The following ZFHX3 variants were observed in gnomAD, a reference collection of about 807,000 sequenced individuals.
The protein encoded by ZFHX3 is zinc finger homeobox 3, also known as zinc finger homeobox protein 3.
Under a neutral mutation model 279.1 loss-of-function variants are expected in ZFHX3, and 42 were observed. The ratio of observed to expected loss-of-function variants is 0.15; its 90% CI spans 0.12 to 0.19. The LOEUF is 0.19. Among genes scored for constraint, ZFHX3 ranks in the 10% least tolerant of loss-of-function variants. The pLI is 1.00. For synonymous variants in ZFHX3, 2,293 were observed against 1,957.8 expected (o/e 1.17, Z -4.52); for missense variants, 4,981 against 4,754.0 (o/e 1.05, Z -1.40).
rs181826031 is a variant in ZFHX3, at chr16:73,498,826, G to A, written c.-1546-42568C>T. 9.8e-5 allele frequency among the ~76,000 whole-genome samples: 15 copies of A among 152,288 alleles called. No individual in the cohort carries two copies. The East Asian group carries it at 2.5e-3, about 25-fold the overall frequency. On this transcript the variant is annotated intron_variant, in intron 2 of 17. Transcript: ENST00000641206. ...TAACCTGGGGCAACTACTAAAAAGA[G>A]GACCTTATTGAGAGCAGTCAGCCTC...
At chr16:72,867,594 A>G (rs1399588369) in intron 4 of ZFHX3, among the ~76,000 whole-genome samples, 1 of 152,190 alleles carries the variant, frequency 6.6e-6, no homozygotes, top group African/African-American at 2.4e-5. Flanking sequence ...TATTGTTGAC[A>G]CCAGTTTAAA....
At chr16:73,258,474 C>T (rs1044753044) in intron 4 of ZFHX3, among the ~76,000 whole-genome samples, 1 of 151,884 alleles carries the variant, frequency 6.6e-6, no homozygotes, top group Non-Finnish European at 1.5e-5. Context: ...CTCAGCCTCC[C>T]GAGTAACTGG....
rs373442261 is a variant in ZFHX3 at position 73,715,467 on chromosome 16, G to A, written c.-1607-35227C>T. Among the ~76,000 whole-genome samples, 4 of 151,276 alleles carry A rather than the reference G, an allele frequency of 2.6e-5. No homozygotes were observed. The South Asian group carries it at 8.4e-4, about 32-fold the overall frequency. The stretch of plus-strand genomic sequence containing the variant: ...TTCATATAACTTCCTCACAACCTGT[G>A]AGAGAGCTTATGGAGGTGTCACCAT... On this transcript the variant is annotated intron_variant, in intron 1 of 17. Coordinates refer to the ZFHX3 transcript ENST00000641206.
chr16:73,485,438 A>AG (rs142874432), intron 2 of ZFHX3, among the ~76,000 whole-genome samples: 100,463 of 144,764 alleles, frequency 0.69, 36,035 homozygotes, highest in African/African-American at 0.85. Context: ...AAAAAAAAAA[A>AG]AAAAAAAAAC....
At chr16:73,836,881 G>T (rs796687018) in intron 1 of ZFHX3, among the ~76,000 whole-genome samples, 2 of 152,210 alleles carry the variant, frequency 1.3e-5, no homozygotes, top group East Asian at 3.9e-4. Flanking sequence ...AGAGTGGGTT[G>T]TTATAAAGTG....
intron 1 of ZFHX3, among the ~76,000 whole-genome samples, chr16:73,687,685 T>A (rs1028708200): frequency 3.3e-5 from 5 of 151,418 alleles, no homozygotes; most frequent in African/African-American, 1.2e-4. Flanking sequence ...CTGCTAAAAA[T>A]ACAAAAATTA....
chr16:73,079,867 A>G (rs1162943226), intron 8 of ZFHX3, among the ~76,000 whole-genome samples: 1 of 152,150 alleles, frequency 6.6e-6, no homozygotes, highest in Admixed American at 6.6e-5. Context: ...GAAGATGGTC[A>G]TTATTTTGAG....
At chr16:73,684,786 C>T (rs1454598600) in intron 1 of ZFHX3, among the ~76,000 whole-genome samples, 1 of 151,166 alleles carries the variant, frequency 6.6e-6, no homozygotes, top group Non-Finnish European at 1.5e-5. Context: ...CTACAACCTC[C>T]ACCTCCTGGG....
rs547939611 is a variant in ZFHX3, at chr16:73,711,196, A to G, written c.-1607-30956T>C. On this transcript the variant is annotated intron_variant, in intron 1 of 17. Transcript: ENST00000641206. ...TGCACTCTCTGTCTGATATTTATGT[A>G]TATGGGTCTGATATTTCAAGTCCCC... Among the ~76,000 whole-genome samples, 10 of 152,210 alleles carry G rather than the reference A, an allele frequency of 6.6e-5. 1 individual carries two copies. The highest frequency in any genetic ancestry group is 1.4e-4 in the African/African-American group (6 of 41,536).
chr16:73,098,041 T>G (rs545972973), intron 7 of ZFHX3, among the ~76,000 whole-genome samples: 1 of 151,714 alleles, frequency 6.6e-6, no homozygotes, highest in South Asian at 2.1e-4. Context: ...TCAACATGAG[T>G]GTACAAGTAT....
intron 2 of ZFHX3, among the ~76,000 whole-genome samples, chr16:73,624,890 A>G (rs2052401146): frequency 6.6e-6 from 1 of 152,176 alleles, no homozygotes; most frequent in African/African-American, 2.4e-5. Flanking sequence ...TCTTACACAT[A>G]CTTCCATGCA....
At chr16:73,608,277 T>C (rs1052961674) in intron 2 of ZFHX3, among the ~76,000 whole-genome samples, 3 of 152,196 alleles carry the variant, frequency 2.0e-5, no homozygotes, top group Non-Finnish European at 4.4e-5. Flanking sequence ...GCTGGTCCCA[T>C]ATTCTGACCA....
At chr16:72,861,035 G>A (rs2037877779) in intron 4 of ZFHX3, among the ~76,000 whole-genome samples, 1 of 152,138 alleles carries the variant, frequency 6.6e-6, no homozygotes, top group Admixed American at 6.5e-5. Flanking sequence ...ACAGCAACGG[G>A]TCAGCAGATG....
chr16:73,384,214 A>G (rs1449253212), intron 3 of ZFHX3, among the ~76,000 whole-genome samples: 5 of 152,360 alleles, frequency 3.3e-5, no homozygotes, highest in Admixed American at 2.0e-4. Context: ...TTATTGGAAC[A>G]CTGCCACACC....
At chr16:73,136,438 T>C (rs1194891410) in intron 6 of ZFHX3, among the ~76,000 whole-genome samples, 1 of 151,952 alleles carries the variant, frequency 6.6e-6, no homozygotes, top group African/African-American at 2.4e-5. Flanking sequence ...TTAAAAGTAA[T>C]GGCCAACGGG....
At chr16:72,805,247 G>C (rs2036228547) in intron 7 of ZFHX3, among the ~76,000 whole-genome samples, 1 of 152,052 alleles carries the variant, frequency 6.6e-6, no homozygotes, top group Non-Finnish European at 1.5e-5. Context: ...CTCCCAAAGT[G>C]CTGGGATTAC....
intron 1 of ZFHX3, chr16:73,058,480 A>T: frequency 1.3e-5 from 2 of 159,086 alleles, no homozygotes; most frequent in Non-Finnish European, 1.2e-5. Context: ...GAGGAGGAGC[A>T]GGCGGCGGCG....
At chr16:73,844,853 G>A (rs1961405532) in intron 1 of ZFHX3, among the ~76,000 whole-genome samples, 1 of 145,190 alleles carries the variant, frequency 6.9e-6, no homozygotes, top group Non-Finnish European at 1.5e-5. Context: ...TTGATAGATG[G>A]ATAGGTAGGT....
At chr16:73,013,210 T>C (rs1963975565) in intron 1 of ZFHX3, among the ~76,000 whole-genome samples, 1 of 152,232 alleles carries the variant, frequency 6.6e-6, no homozygotes, top group Non-Finnish European at 1.5e-5. Flanking sequence ...GGTATCAATC[T>C]CCACTGAACC....
Sources: allele counts gnomAD v4.1 joint callset (sites outside exome capture counted in the v4.1 genomes callset), GRCh38; gene constraint gnomAD v4.1.1; transcripts MANE v1.5; gene names NCBI Gene and HGNC (gene_info 2026-07-23, HGNC 2026-07-21).